ERBB4: variants seen among roughly 807,000 people sequenced by gnomAD.
The protein encoded by ERBB4 is receptor tyrosine-protein kinase erbB-4.
A neutral mutation model predicts 158.0 loss-of-function variants in ERBB4; 42 were observed. That is an observed-to-expected ratio of 0.27 (90% CI 0.21 to 0.34). The LOEUF (loss-of-function observed/expected upper bound fraction) is 0.34, where lower values mean the gene tolerates loss of function less well. Among genes scored for constraint, ERBB4 ranks in the 10% least tolerant of loss-of-function variants. ERBB4 has a pLI of 1.00. For synonymous variants in ERBB4, 583 were observed against 558.7 expected, an observed-to-expected ratio of 1.04 and a Z score of -0.61; for missense variants, 1,333 against 1,624.1, an observed-to-expected ratio of 0.82 and a Z score of 3.08.
Position 211,772,029 on chromosome 2 carries a change from C to T in ERBB4, c.556+15996G>A, listed in dbSNP as rs116084716. On this transcript the variant is annotated intron_variant, in intron 4 of 27. Coordinates refer to ENST00000342788, the MANE Select transcript of ERBB4 (RefSeq NM_005235.3). ...GTTATTAAAACAAAGGTAATATATA[C>T]TAGAAATTCATTATTTCCTGAATAG... Among the ~76,000 whole-genome samples, 279 of 152,214 alleles carry T rather than the reference C, an allele frequency of 1.8e-3. 2 individuals carry two copies. The highest frequency in any genetic ancestry group is 6.6e-3 in the African/African-American group (273 of 41,518).
At chr2:212,199,228 T>C (rs2082521528) in intron 1 of ERBB4, among the ~76,000 whole-genome samples, 1 of 152,130 alleles carries the variant, frequency 6.6e-6, no homozygotes, top group Non-Finnish European at 1.5e-5. Flanking sequence ...ATTAACTCAC[T>C]ACTGATCACA....
intron 20 of ERBB4, among the ~76,000 whole-genome samples, chr2:211,489,705 G>T (rs570389647): frequency 3.9e-4 from 59 of 151,920 alleles, no homozygotes; most frequent in Non-Finnish European, 7.7e-4. Flanking sequence ...TATTTCAACT[G>T]CATTCATATG....
intron 2 of ERBB4, among the ~76,000 whole-genome samples, chr2:212,028,592 T>C (rs1260165158): frequency 2.0e-5 from 3 of 152,114 alleles, no homozygotes; most frequent in Admixed American, 6.6e-5. Context: ...GTTTTAATGG[T>C]CAGCTACCAC....
intron 2 of ERBB4, among the ~76,000 whole-genome samples, chr2:212,040,310 T>G (rs558409547): frequency 6.6e-6 from 1 of 151,950 alleles, no homozygotes; most frequent in South Asian, 2.1e-4. Flanking sequence ...TAGAAAAATT[T>G]TAGTAGTTTT....
At chr2:212,260,792 G>A (rs773343997) in intron 1 of ERBB4, among the ~76,000 whole-genome samples, 2 of 151,420 alleles carry the variant, frequency 1.3e-5, no homozygotes, top group East Asian at 1.9e-4. Context: ...CAGCCTAGGC[G>A]ACAGAACGAG....
chr2:211,688,274 G>A (rs1007188463), intron 12 of ERBB4, among the ~76,000 whole-genome samples: 3 of 151,988 alleles, frequency 2.0e-5, no homozygotes, highest in African/African-American at 4.8e-5. Flanking sequence ...TTCTTACAGC[G>A]CAGTTGTCTC....
At chr2:212,427,804 G>A (rs2091946687) in intron 1 of ERBB4, among the ~76,000 whole-genome samples, 1 of 152,148 alleles carries the variant, frequency 6.6e-6, no homozygotes, top group Non-Finnish European at 1.5e-5. Flanking sequence ...GAATGTGAGA[G>A]CTTGTGGGGA....
chr2:212,054,073 C>T (rs977949173), intron 2 of ERBB4, among the ~76,000 whole-genome samples: 2 of 152,118 alleles, frequency 1.3e-5, no homozygotes, highest in Non-Finnish European at 2.9e-5. Context: ...TCCTTCCCCT[C>T]CTCCTCTTGC....
intron 3 of ERBB4, among the ~76,000 whole-genome samples, chr2:211,824,615 GTAGAA>G (rs2077056851): frequency 6.6e-6 from 1 of 151,778 alleles, no homozygotes; most frequent in Admixed American, 6.6e-5. Context: ...TTTTACCTAA[GTAGAA>G]TAGATTATTT....
chr2:212,003,140 G>GGAAT (rs2076150852), intron 2 of ERBB4, among the ~76,000 whole-genome samples: 1 of 12,664 alleles, frequency 7.9e-5, no homozygotes, highest in African/African-American at 1.8e-4. Context: ...AAGGAAGGAA[G>GGAAT]GAAGGAAGGA....
At chr2:212,176,649 C>T (rs183581900) in intron 1 of ERBB4, among the ~76,000 whole-genome samples, 9 of 152,062 alleles carry the variant, frequency 5.9e-5, no homozygotes, top group Admixed American at 4.6e-4. Context: ...GCTGATTCAT[C>T]CTTCTGTTTT....
chr2:211,465,998 C>A (rs550906702), intron 20 of ERBB4, among the ~76,000 whole-genome samples: 38 of 152,148 alleles, frequency 2.5e-4, no homozygotes, highest in African/African-American at 9.1e-4. Flanking sequence ...GTCATTCCTC[C>A]TTTGTGTTAT....
At chr2:211,995,355 G>A (rs1174132064) in intron 2 of ERBB4, among the ~76,000 whole-genome samples, 3 of 152,268 alleles carry the variant, frequency 2.0e-5, no homozygotes, top group African/African-American at 7.2e-5. Flanking sequence ...TAGTTCTTAT[G>A]TGTAAATTCG....
intron 1 of ERBB4, among the ~76,000 whole-genome samples, chr2:212,212,437 T>C (rs1049400936): frequency 1.3e-5 from 2 of 151,990 alleles, no homozygotes; most frequent in African/African-American, 4.8e-5. Flanking sequence ...TGGAAAAACA[T>C]TCCATCCTCA....
In ERBB4 at chr2:211,383,517, T is replaced by C; in HGVS notation, c.*98A>G. The C allele has an allele frequency of 1.0e-6, 1 of 964,052 alleles. No individual in the cohort carries two copies. Among genetic ancestry groups the C allele is most frequent in the South Asian group, 1.3e-5 (1 of 74,626 alleles). 59.7% of individuals were successfully genotyped at this position (964,052 alleles called of 1,614,324 possible). A position where few individuals can be genotyped will look rare whatever the true frequency, so the allele number is the denominator to read the frequency against. On this transcript the variant is annotated 3_prime_UTR_variant, in exon 28 of 28. Coordinates refer to ENST00000342788, the MANE Select transcript of ERBB4 (RefSeq NM_005235.3). ...ATCTTCCACTGGGAAGTGTCAAAAC[T>C]ACTGGCCTTGGGGTAGAAGGAAGAC...
intron 17 of ERBB4, among the ~76,000 whole-genome samples, chr2:211,626,072 T>TA (rs1160764285): frequency 3.3e-5 from 5 of 152,336 alleles, no homozygotes; most frequent in East Asian, 1.9e-4. Flanking sequence ...TTGCCCTTCC[T>TA]AAACCTTTAT....
At chr2:212,169,490 C>T (rs892456782) in intron 1 of ERBB4, among the ~76,000 whole-genome samples, 1 of 152,028 alleles carries the variant, frequency 6.6e-6, no homozygotes, top group Admixed American at 6.6e-5. Context: ...TTCTTCCTAA[C>T]ACCATATACA....
At chr2:212,434,755 C>A (rs916159581) in intron 1 of ERBB4, among the ~76,000 whole-genome samples, 3 of 151,940 alleles carry the variant, frequency 2.0e-5, no homozygotes, top group Non-Finnish European at 2.9e-5. Context: ...GGAATCAGAA[C>A]AACAAGGTTT....
At chr2:212,491,088 C>A (rs1176481759) in intron 1 of ERBB4, among the ~76,000 whole-genome samples, 1 of 151,360 alleles carries the variant, frequency 6.6e-6, no homozygotes, top group African/African-American at 2.4e-5. Context: ...TCAAGGTATT[C>A]TAGCATCTGA....
Sources: allele counts gnomAD v4.1 joint callset (sites outside exome capture counted in the v4.1 genomes callset), GRCh38; gene constraint gnomAD v4.1.1; transcripts MANE v1.5; gene names NCBI Gene and HGNC (gene_info 2026-07-23, HGNC 2026-07-21).